The following RIPOR2 variants were observed in gnomAD, a reference collection of about 807,000 sequenced individuals.
The protein encoded by RIPOR2 is RHO family interacting cell polarization regulator 2.
A neutral mutation model predicts 114.5 loss-of-function variants in RIPOR2; 39 were observed. The ratio of observed to expected loss-of-function variants is 0.34; its 90% confidence interval spans 0.26 to 0.44. The LOEUF is 0.44. RIPOR2 is among the 20% of genes least tolerant of loss of function. The pLI is 1.00. For synonymous variants in RIPOR2, 445 were observed against 484.4 expected (o/e 0.92, Z 1.07); for missense variants, 1,007 against 1,255.1 (o/e 0.80, Z 2.99).
chr6:24,982,793 A>G (rs139197887), intron 1 of RIPOR2, among the ~76,000 whole-genome samples: 173 of 152,342 alleles, frequency 1.1e-3, no homozygotes, highest in African/African-American at 4.0e-3. Flanking sequence ...TATGTAAGGT[A>G]TGCAAAATTT....
intron 1 of RIPOR2, among the ~76,000 whole-genome samples, chr6:24,973,351 C>G (rs1773878591): frequency 1.3e-5 from 2 of 152,008 alleles, no homozygotes; most frequent in African/African-American, 4.8e-5. Context: ...GCCTGTAATC[C>G]CAGCACTTTG....
Position 24,883,467 on chromosome 6 carries a change from G to A in RIPOR2, c.62-7650C>T, listed in dbSNP as rs932493449. On this transcript the variant is annotated intron_variant, in intron 1 of 21. Transcript: ENST00000643898. This position sits in a 1 kb window ranked among gnomAD's most constrained non-coding sequence, Gnocchi z 4.1. The stretch of plus-strand genomic sequence containing the variant: ...AAGTGTTTGCCTGAGGCCAGGGACG[G>A]GAGCAGGCAAGGAAGCAGAGAGAGG... 5.3e-5 allele frequency among the ~76,000 whole-genome samples: 8 copies of A among 152,192 alleles called. No homozygotes were observed. Among genetic ancestry groups the A allele is most frequent in the African/African-American group, 1.7e-4 (7 of 41,448 alleles).
intron 11 of RIPOR2, 26 bp from the exon 12 acceptor site, chr6:24,848,180 T>TATAC (rs759588576): frequency 1.2e-6 from 2 of 1,610,972 alleles, no homozygotes; most frequent in East Asian, 4.5e-5. Context: ...TCCCCAGGTA[T>TATAC]GCACATTTGG....
chr6:24,933,003 C>T (rs573530121), intron 1 of RIPOR2, among the ~76,000 whole-genome samples: 64 of 152,250 alleles, frequency 4.2e-4, no homozygotes, highest in African/African-American at 1.5e-3. Context: ...AAGAATGAGG[C>T]TCAAAGAAGA....
intron 1 of RIPOR2, among the ~76,000 whole-genome samples, chr6:25,016,257 T>C (rs1392039951): frequency 1.3e-5 from 2 of 152,122 alleles, no homozygotes; most frequent in Middle Eastern, 6.3e-3. Flanking sequence ...ATTCCAGTAG[T>C]TCCTGAGGCC....
At chr6:24,877,141 T>A (rs1765864905) in intron 1 of RIPOR2, 1 of 985,358 alleles carries the variant, frequency 1.0e-6, no homozygotes, top group Non-Finnish European at 1.2e-6. Context: ...AGCAGAACTC[T>A]CTGGTAGTAC....
intron 1 of RIPOR2, among the ~76,000 whole-genome samples, chr6:25,005,754 A>G (rs1378391006): frequency 6.0e-5 from 6 of 100,020 alleles, no homozygotes; most frequent in African/African-American, 1.8e-4. Flanking sequence ...TTTACCGATC[A>G]AAAGATATGC....
chr6:25,035,201 G>A (rs1777180346), intron 1 of RIPOR2, among the ~76,000 whole-genome samples: 1 of 152,192 alleles, frequency 6.6e-6, no homozygotes, highest in South Asian at 2.1e-4. Flanking sequence ...GGATGAGGCT[G>A]TTAATGGATA....
At chr6:25,040,495 G>A (rs934165352) in intron 1 of RIPOR2, among the ~76,000 whole-genome samples, 14 of 151,918 alleles carry the variant, frequency 9.2e-5, no homozygotes, top group African/African-American at 2.9e-4. Context: ...GTTGTCACAC[G>A]TTGCCTCAGA....
intron 20 of RIPOR2, among the ~76,000 whole-genome samples, chr6:24,810,104 T>C (rs1181881888): frequency 1.3e-5 from 2 of 152,178 alleles, no homozygotes; most frequent in Non-Finnish European, 2.9e-5. Flanking sequence ...TGTGGTGGGA[T>C]TACAGGTGTA....
At chr6:24,940,651 A>ATT (rs570652051), upstream of RIPOR2, among the ~76,000 whole-genome samples, 1 of 148,098 alleles carries the variant, frequency 6.8e-6, no homozygotes, top group African/African-American at 2.5e-5. Context: ...AAGGAATACG[A>ATT]TTTTTTTTTT....
chr6:24,915,817 C>T lies in RIPOR2; in HGVS notation c.61+20021G>A, dbSNP rs566073788. On this transcript the variant is annotated intron_variant, in intron 1 of 21. Coordinates refer to ENST00000643898, the MANE Select transcript of RIPOR2 (RefSeq NM_001286445.3). ...TCTGGCACAGTCATCTCAGAATGCACTTCAGGAAACACTGGTCTGAACCAA... is the reference window on the plus strand; with the variant it reads ...TCTGGCACAGTCATCTCAGAATGCATTTCAGGAAACACTGGTCTGAACCAA... 7.2e-5 allele frequency among the ~76,000 whole-genome samples: 11 copies of T among 152,304 alleles called. No homozygotes were observed. The South Asian group carries it at 1.7e-3, about 23-fold the overall frequency.
intron 7 of RIPOR2, among the ~76,000 whole-genome samples, chr6:24,864,721 A>G (rs1764409811): frequency 6.6e-6 from 1 of 152,168 alleles, no homozygotes; most frequent in South Asian, 2.1e-4. Flanking sequence ...CCAGGAAAGC[A>G]CACTTCTGTT....
intron 13 of RIPOR2, chr6:24,839,961 T>C: frequency 1.6e-6 from 1 of 626,232 alleles, no homozygotes; most frequent in Non-Finnish European, 1.9e-6. Flanking sequence ...TTTTTTTTTT[T>C]TTTTTTGAGA....
At chr6:25,016,617 G>C (rs912575573) in intron 1 of RIPOR2, among the ~76,000 whole-genome samples, 3 of 152,194 alleles carry the variant, frequency 2.0e-5, no homozygotes, top group Admixed American at 2.0e-4. Context: ...TAAGTAACTA[G>C]AGATGGAGTT....
chr6:24,868,669 A>G (rs1284611650), intron 6 of RIPOR2, among the ~76,000 whole-genome samples: 2 of 152,186 alleles, frequency 1.3e-5, no homozygotes, highest in Non-Finnish European at 2.9e-5. Context: ...AGATTGAGGG[A>G]GGCGCTGAGA....
At chr6:24,808,216 A>T (rs988226245) in intron 21 of RIPOR2, among the ~76,000 whole-genome samples, 1 of 152,152 alleles carries the variant, frequency 6.6e-6, no homozygotes, top group Non-Finnish European at 1.5e-5. Context: ...GCTTCTGGAG[A>T]TGCTGCTGTT....
chr6:24,913,680 C>A (rs990266759), intron 1 of RIPOR2, among the ~76,000 whole-genome samples: 11 of 152,178 alleles, frequency 7.2e-5, no homozygotes, highest in Non-Finnish European at 1.6e-4. Flanking sequence ...AATCACTGCT[C>A]CTGTGTGGTC....
intron 1 of RIPOR2, among the ~76,000 whole-genome samples, chr6:24,945,896 C>T (rs958389585): frequency 2.0e-5 from 3 of 151,726 alleles, no homozygotes; most frequent in Admixed American, 6.6e-5. Flanking sequence ...GTGCTTACAC[C>T]TATATAAATA....
Sources: allele counts gnomAD v4.1 joint callset (sites outside exome capture counted in the v4.1 genomes callset), GRCh38; gene constraint gnomAD v4.1.1; non-coding constraint Gnocchi (gnomAD v3.1); transcripts MANE v1.5; gene names NCBI Gene and HGNC (gene_info 2026-07-23, HGNC 2026-07-21).